PGM1: variants seen among roughly 807,000 people sequenced by gnomAD.
The protein encoded by PGM1 is phosphoglucomutase-1.
In PGM1, 52 loss-of-function variants were observed where a neutral mutation model predicts 55.6. The observed-to-expected ratio is 0.94, with a 90% CI of 0.75 to 1.18. The LOEUF (loss-of-function observed/expected upper bound fraction) is 1.18, where lower values mean the gene tolerates loss of function less well. Ranked by LOEUF, PGM1 falls within the 50% of genes most tolerant of loss-of-function variation. The pLI is 0.00. For synonymous variants in PGM1, 287 were observed against 271.7 expected, an observed-to-expected ratio of 1.06 and a Z score of -0.55; for missense variants, 724 against 729.3, an observed-to-expected ratio of 0.99 and a Z score of 0.08.
chr1:63,649,520 G>A (rs76878875), intron 8 of PGM1, among the ~76,000 whole-genome samples: 2,130 of 152,296 alleles, frequency 0.014, 52 homozygotes, highest in African/African-American at 0.049. Flanking sequence ...TATAAGAAAT[G>A]AATAGGTGTA....
At chr1:63,658,331 C>A (rs11208261) in intron 10 of PGM1, among the ~76,000 whole-genome samples, 44,207 of 149,474 alleles carry the variant, frequency 0.3, 6,842 homozygotes, top group African/African-American at 0.4. Flanking sequence ...ATGGGCAGTT[C>A]AACCAGATTA....
intron 7 of PGM1, among the ~76,000 whole-genome samples, chr1:63,644,441 T>A (rs1649598775): frequency 1.4e-5 from 2 of 145,416 alleles, no homozygotes; most frequent in South Asian, 2.3e-4. Flanking sequence ...TTATGAGAAA[T>A]AAGGAAGGAG....
intron 10 of PGM1, among the ~76,000 whole-genome samples, chr1:63,657,213 T>C (rs1483653453): frequency 2.6e-5 from 4 of 152,222 alleles, no homozygotes; most frequent in Non-Finnish European, 5.9e-5. Flanking sequence ...GTGAAACTCA[T>C]TTGGAAACCC....
At chr1:63,633,958 T>A (rs1649292646) in intron 4 of PGM1, among the ~76,000 whole-genome samples, 1 of 130,172 alleles carries the variant, frequency 7.7e-6, no homozygotes, top group African/African-American at 2.9e-5. Context: ...TTTTTTTTTT[T>A]TTTAGTAGAG....
chr1:63,645,063 A>G (rs1196668561), intron 7 of PGM1, among the ~76,000 whole-genome samples: 1 of 152,242 alleles, frequency 6.6e-6, no homozygotes, highest in Non-Finnish European at 1.5e-5. Flanking sequence ...ATTTGCTCCA[A>G]CTTCCTGAGT....
intron 10 of PGM1, 33 bp from the exon 11 acceptor site, chr1:63,659,553 T>C: frequency 6.5e-7 from 1 of 1,539,558 alleles, no homozygotes; most frequent in Non-Finnish European, 9.0e-7. Context: ...TTAGAGGAAG[T>C]GATGGAAAAG....
At chr1:63,652,210 G>A (rs1308329974) in intron 9 of PGM1, among the ~76,000 whole-genome samples, 4 of 152,192 alleles carry the variant, frequency 2.6e-5, no homozygotes, top group Non-Finnish European at 4.4e-5. Flanking sequence ...GAACTTAGAT[G>A]TCAACTCCTC....
chr1:63,640,464 G>C (rs1449693366), intron 7 of PGM1, among the ~76,000 whole-genome samples: 5 of 152,120 alleles, frequency 3.3e-5, no homozygotes, highest in Non-Finnish European at 5.9e-5. Flanking sequence ...AATCCTGTTA[G>C]TACAGTTTTG....
chr1:63,638,006 AT>A (rs3216689), intron 6 of PGM1, among the ~76,000 whole-genome samples: 1 of 151,680 alleles, frequency 6.6e-6, no homozygotes, highest in Admixed American at 6.6e-5. Flanking sequence ...AGGGAAAGGA[AT>A]TTTTTTTTAA....
chr1:63,615,544 C>CT (rs1648685928), intron 1 of PGM1, among the ~76,000 whole-genome samples: 1 of 110,662 alleles, frequency 9.0e-6, no homozygotes, highest in African/African-American at 4.0e-5. Context: ...TCCTCTTCTT[C>CT]TTCTTCTTTT....
intron 6 of PGM1, 146 bp downstream of exon 6, chr1:63,636,534 A>T: frequency 1.1e-6 from 1 of 927,656 alleles, no homozygotes; most frequent in Admixed American, 1.8e-5. Context: ...GTGTGAGGGG[A>T]TGGTTGGCTT....
In PGM1 at chr1:63,659,772, T is replaced by A; in HGVS notation, c.*97T>A. On this transcript the variant is annotated 3_prime_UTR_variant, in exon 11 of 11. Transcript: ENST00000371084. The stretch of plus-strand genomic sequence containing the variant: ...AGAAACAAAATGTATTCACCAAGCA[T>A]TTTAGGATTTGACTTTTTCACTAAC... 1.1e-6 allele frequency: 1 copy of A among 917,592 alleles called. No homozygotes were observed. Among genetic ancestry groups the A allele is most frequent in the Non-Finnish European group, 1.8e-6 (1 of 558,856 alleles). 56.8% of individuals were successfully genotyped at this position (917,592 alleles called of 1,614,324 possible).
At chr1:63,643,762 C>T (rs933712405) in intron 7 of PGM1, among the ~76,000 whole-genome samples, 6 of 152,160 alleles carry the variant, frequency 3.9e-5, no homozygotes, top group Non-Finnish European at 2.9e-5. Flanking sequence ...GTCTAGGATA[C>T]GGCGTGATCA....
chr1:63,648,401 C>T (rs965679761), intron 7 of PGM1, 116 bp from the exon 8 acceptor site: 8 of 1,102,310 alleles, frequency 7.3e-6, no homozygotes, highest in African/African-American at 3.1e-5. Flanking sequence ...CTTCCCATCA[C>T]GTCCCTCCCT....
chr1:63,649,057 C>T (rs1444811193), intron 8 of PGM1, among the ~76,000 whole-genome samples: 1 of 152,114 alleles, frequency 6.6e-6, no homozygotes, highest in Non-Finnish European at 1.5e-5. Context: ...AACAGTCCAG[C>T]TGTTGAGAGG....
At chr1:63,651,998 C>T (rs1219394430) in intron 9 of PGM1, 146 bp downstream of exon 9, 18 of 760,202 alleles carry the variant, frequency 2.4e-5, no homozygotes, top group Non-Finnish European at 2.9e-5. Flanking sequence ...TGGTTTTCTG[C>T]TGTCCCACGT....
At chr1:63,656,640 C>A (rs994765238) in intron 10 of PGM1, among the ~76,000 whole-genome samples, 4 of 150,270 alleles carry the variant, frequency 2.7e-5, no homozygotes, top group Non-Finnish European at 5.9e-5. Flanking sequence ...TGCCTTAAAA[C>A]AACAAAAACC....
chr1:63,593,989 G>C (rs1056569941), intron 1 of PGM1: 44 of 1,172,882 alleles, frequency 3.8e-5, no homozygotes, highest in Non-Finnish European at 4.1e-5. Context: ...GTGCGGGCGC[G>C]GAGCCTCCCA....
chr1:63,649,053 C>T (rs1649734582), intron 8 of PGM1, among the ~76,000 whole-genome samples: 1 of 152,056 alleles, frequency 6.6e-6, no homozygotes, highest in Non-Finnish European at 1.5e-5. Context: ...GAATAACAGT[C>T]CAGCTGTTGA....
Sources: gnomAD v4.1 joint callset for allele counts (sites outside exome capture counted in the v4.1 genomes callset) on GRCh38, gnomAD v4.1.1 for gene constraint, MANE v1.5 for transcripts, NCBI Gene and HGNC (gene_info 2026-07-23, HGNC 2026-07-21) for gene names.